DEPDC5: variants seen among roughly 807,000 people sequenced by gnomAD.
DEPDC5 encodes the protein GATOR1 complex protein DEPDC5.
In DEPDC5, 73 loss-of-function variants were observed where a neutral mutation model predicts 217.3. That is an observed-to-expected ratio of 0.34 (90% CI 0.28 to 0.41). The LOEUF (loss-of-function observed/expected upper bound fraction) is 0.41. DEPDC5 is among the 10% of genes least tolerant of loss of function. DEPDC5 has a pLI of 1.00. For synonymous variants in DEPDC5, 733 were observed against 756.7 expected, an observed-to-expected ratio of 0.97 and a Z score of 0.51; for missense variants, 1,675 against 2,070.1, an observed-to-expected ratio of 0.81 and a Z score of 3.70.
chr22:31,790,791 G>C (rs2085543024), intron 10 of DEPDC5, among the ~76,000 whole-genome samples: 1 of 144,430 alleles, frequency 6.9e-6, no homozygotes, highest in South Asian at 2.2e-4. Flanking sequence ...CCGTCGCCCA[G>C]GCTGGAGTGC....
intron 35 of DEPDC5, chr22:31,874,043 T>C: frequency 4.2e-6 from 2 of 480,252 alleles, no homozygotes; most frequent in Non-Finnish European, 7.0e-6. Flanking sequence ...TCCACCCGCC[T>C]CAGCCTCCCA....
intron 7 of DEPDC5, among the ~76,000 whole-genome samples, chr22:31,772,432 T>G (rs2083445101): frequency 6.6e-6 from 1 of 152,196 alleles, no homozygotes; most frequent in Admixed American, 6.5e-5. Context: ...TGTTTAGCCA[T>G]CACTGTGATT....
intron 4 of DEPDC5, among the ~76,000 whole-genome samples, chr22:31,762,198 G>A (rs1349206736): frequency 1.3e-5 from 2 of 152,132 alleles, no homozygotes; most frequent in African/African-American, 4.8e-5. Context: ...ACCACATTGT[G>A]CAAGGTACTA....
intron 34 of DEPDC5, among the ~76,000 whole-genome samples, chr22:31,872,801 G>T (rs1439389916): frequency 6.6e-6 from 1 of 151,612 alleles, no homozygotes; most frequent in African/African-American, 2.4e-5. Context: ...GCCTAGGCTG[G>T]AGTGCATGAG....
intron 12 of DEPDC5, among the ~76,000 whole-genome samples, chr22:31,793,579 T>C (rs1349599454): frequency 6.6e-6 from 1 of 152,062 alleles, no homozygotes; most frequent in Admixed American, 6.6e-5. Flanking sequence ...TTATTATTAT[T>C]ATTATTTTTT....
chr22:31,794,896 A>AAAC, intron 12 of DEPDC5, among the ~76,000 whole-genome samples: 1 of 152,212 alleles, frequency 6.6e-6, no homozygotes, highest in East Asian at 1.9e-4. Flanking sequence ...AAAAAAAACA[A>AAAC]AACAACAACA....
intron 28 of DEPDC5, 113 bp from the exon 29 acceptor site, chr22:31,843,532 G>T: frequency 1.5e-6 from 2 of 1,316,942 alleles, no homozygotes; most frequent in Non-Finnish European, 1.0e-6. Flanking sequence ...GGTTACTACA[G>T]TTGAGGGGTA....
intron 19 of DEPDC5, among the ~76,000 whole-genome samples, chr22:31,810,141 C>G (rs561432807): frequency 1.3e-5 from 2 of 152,116 alleles, no homozygotes; most frequent in Non-Finnish European, 2.9e-5. Flanking sequence ...TTGAAAAAAC[C>G]TTGTTTTTCT....
chr22:31,841,779 C>T (rs1049525135), intron 27 of DEPDC5, among the ~76,000 whole-genome samples: 2 of 152,140 alleles, frequency 1.3e-5, no homozygotes, highest in Non-Finnish European at 2.9e-5. Flanking sequence ...GAGTAACCTC[C>T]GGTCCTTTTG....
intron 3 of DEPDC5, among the ~76,000 whole-genome samples, chr22:31,759,518 C>T (rs939007700): frequency 1.6e-4 from 24 of 150,624 alleles, no homozygotes; most frequent in Middle Eastern, 3.5e-3. Context: ...GGATTACAGG[C>T]GCGTGCCACC....
chr22:31,875,370 A>G (rs188081302), intron 36 of DEPDC5: 18 of 158,356 alleles, frequency 1.1e-4, no homozygotes, highest in Admixed American at 9.1e-4. Context: ...CTGGAAAACC[A>G]ACTTATAAAA....
intron 8 of DEPDC5, among the ~76,000 whole-genome samples, chr22:31,778,421 C>T (rs2084097815): frequency 6.6e-6 from 1 of 151,854 alleles, no homozygotes; most frequent in Admixed American, 6.6e-5. Flanking sequence ...CCTAGGAGTT[C>T]GAAGCTGCAG....
rs2149452748 is a variant in DEPDC5, at chr22:31,907,390, T to G, written c.*893T>G. The stretch of plus-strand genomic sequence containing the variant: ...CTTAGGTTTTTTTTGTTGTTGTTTT[T>G]TTTGTTGTTTTTTTTGACACAGTTT... On this transcript the variant is annotated 3_prime_UTR_variant, in exon 43 of 43. Coordinates refer to ENST00000651528, the MANE Select transcript of DEPDC5 (RefSeq NM_001242896.3). 6.6e-6 allele frequency: 1 copy of G among 151,400 alleles called. No homozygotes were observed. The highest frequency in any genetic ancestry group is 2.4e-5 in the African/African-American group (1 of 41,404). The allele number at this position is 151,400 out of a possible 1,614,324, so 9.4% of individuals were successfully genotyped here.
At chr22:31,796,760 G>A (rs973021520) in intron 12 of DEPDC5, among the ~76,000 whole-genome samples, 1 of 147,932 alleles carries the variant, frequency 6.8e-6, no homozygotes, top group African/African-American at 2.5e-5. Flanking sequence ...GCAGTGGCTC[G>A]ATCTCGGCTC....
chr22:31,868,966 T>C (rs1045316464), intron 33 of DEPDC5, among the ~76,000 whole-genome samples: 2 of 152,046 alleles, frequency 1.3e-5, no homozygotes, highest in African/African-American at 4.8e-5. Flanking sequence ...TTAAAGGTGA[T>C]ATAACAACAT....
intron 8 of DEPDC5, 30 bp downstream of exon 8, chr22:31,778,198 T>C (rs1285585196): frequency 6.3e-7 from 1 of 1,599,518 alleles, no homozygotes; most frequent in South Asian, 1.1e-5. Flanking sequence ...TTTTTGGTTT[T>C]ATCTCTCCAT....
intron 24 of DEPDC5, 115 bp downstream of exon 24, chr22:31,822,905 C>A: frequency 3.8e-6 from 4 of 1,052,774 alleles, no homozygotes; most frequent in Admixed American, 2.2e-5. Context: ...TTCAGCCACA[C>A]TTTTGGGTGA....
intron 20 of DEPDC5, among the ~76,000 whole-genome samples, chr22:31,811,497 T>A (rs1352663217): frequency 1.3e-5 from 2 of 152,126 alleles, no homozygotes; most frequent in African/African-American, 4.8e-5. Flanking sequence ...AACTTTTCTT[T>A]CTTTAAGTCC....
chr22:31,841,265 T>A (rs1051096310), intron 27 of DEPDC5, among the ~76,000 whole-genome samples: 5 of 152,202 alleles, frequency 3.3e-5, no homozygotes, highest in African/African-American at 1.2e-4. Flanking sequence ...TCGGGGAAAT[T>A]TCCACATTCA....
Sources: gnomAD v4.1 joint callset for allele counts (sites outside exome capture counted in the v4.1 genomes callset) on GRCh38, gnomAD v4.1.1 for gene constraint, MANE v1.5 for transcripts, NCBI Gene and HGNC (gene_info 2026-07-23, HGNC 2026-07-21) for gene names.